Variants in BABAM2 observed in about 807,000 individuals in gnomAD.
The protein encoded by BABAM2 is BRISC and BRCA1 A complex member 2.
In BABAM2, 31 loss-of-function variants were observed where a neutral mutation model predicts 54.7. That is an observed-to-expected ratio of 0.57 (90% CI 0.43 to 0.77). The LOEUF (loss-of-function observed/expected upper bound fraction) is 0.77, where lower values mean the gene tolerates loss of function less well. Ranked by LOEUF, BABAM2 falls within the 30% of genes least tolerant of loss-of-function variation. The pLI is 0.00. For synonymous variants in BABAM2, 167 were observed against 162.9 expected (o/e 1.03, Z -0.19); for missense variants, 364 against 455.8 (o/e 0.80, Z 1.83).
At chr2:28,099,708 C>T (rs1374701904) in intron 6 of BABAM2, among the ~76,000 whole-genome samples, 1 of 152,082 alleles carries the variant, frequency 6.6e-6, no homozygotes, top group African/African-American at 2.4e-5. Context: ...GCATAACATT[C>T]TTACCTATTT....
chr2:28,009,720 G>A (rs114601453), intron 4 of BABAM2, among the ~76,000 whole-genome samples: 82 of 152,208 alleles, frequency 5.4e-4, no homozygotes, highest in African/African-American at 1.9e-3. Flanking sequence ...TTAAGGAAGT[G>A]ACAGCTGATG....
chr2:28,081,583 A>G (rs1665177165), intron 6 of BABAM2, among the ~76,000 whole-genome samples: 1 of 152,208 alleles, frequency 6.6e-6, no homozygotes, highest in African/African-American at 2.4e-5. Context: ...GCTTTAGCAC[A>G]TCTTAAGAGT....
chr2:28,060,269 A>G (rs1678753396), intron 6 of BABAM2, among the ~76,000 whole-genome samples: 1 of 152,176 alleles, frequency 6.6e-6, no homozygotes, highest in Non-Finnish European at 1.5e-5. Flanking sequence ...CTCAATAGAC[A>G]TAGAAAAAAC....
At chr2:28,219,070 A>G (rs1260662703) in intron 7 of BABAM2, among the ~76,000 whole-genome samples, 1 of 152,244 alleles carries the variant, frequency 6.6e-6, no homozygotes, top group East Asian at 1.9e-4. Flanking sequence ...CCAATTGATT[A>G]TCTTACACTT....
intron 6 of BABAM2, among the ~76,000 whole-genome samples, chr2:28,091,633 G>A (rs1307012610): frequency 2.0e-5 from 3 of 152,174 alleles, no homozygotes; most frequent in Non-Finnish European, 4.4e-5. Context: ...TAAACTTGGA[G>A]AAGTTTTCTT....
chr2:28,265,331 G>A (rs1684887944), intron 10 of BABAM2, among the ~76,000 whole-genome samples: 1 of 152,190 alleles, frequency 6.6e-6, no homozygotes, highest in Non-Finnish European at 1.5e-5. Context: ...GGCAGCTGAG[G>A]CAGGAGAATC....
At chr2:28,336,524 A>G (rs1250596096) in intron 11 of BABAM2, among the ~76,000 whole-genome samples, 1 of 152,190 alleles carries the variant, frequency 6.6e-6, no homozygotes, top group Non-Finnish European at 1.5e-5. Flanking sequence ...TGTGACCCCA[A>G]GGATGATGGC....
chr2:28,203,367 G>T (rs1383038837), intron 7 of BABAM2, among the ~76,000 whole-genome samples: 2 of 152,122 alleles, frequency 1.3e-5, no homozygotes, highest in African/African-American at 2.4e-5. Context: ...ATTTTTGGAA[G>T]ACCCTCATGG....
intron 6 of BABAM2, among the ~76,000 whole-genome samples, chr2:28,072,356 A>G (rs1664229504): frequency 6.8e-6 from 1 of 147,874 alleles, no homozygotes; most frequent in African/African-American, 2.5e-5. Flanking sequence ...TATTTTTAGT[A>G]GAGATGGGGT....
chr2:28,116,901 A>G (rs1046050284), intron 6 of BABAM2, among the ~76,000 whole-genome samples: 6 of 152,252 alleles, frequency 3.9e-5, no homozygotes, highest in Admixed American at 6.5e-5. Context: ...AATTTTGTCT[A>G]TAGCTAGAAG....
intron 11 of BABAM2, among the ~76,000 whole-genome samples, chr2:28,334,592 T>C (rs1691254135): frequency 6.6e-6 from 1 of 152,246 alleles, no homozygotes; most frequent in African/African-American, 2.4e-5. Flanking sequence ...CCAGAGTCCA[T>C]GCAGCAGAGG....
intron 6 of BABAM2, among the ~76,000 whole-genome samples, chr2:28,097,466 A>G (rs1260812794): frequency 6.6e-6 from 1 of 152,164 alleles, no homozygotes; most frequent in Non-Finnish European, 1.5e-5. Flanking sequence ...ACCTTTATCA[A>G]GTTGTACATT....
chr2:28,310,626 G>A (rs1028554175), intron 11 of BABAM2, among the ~76,000 whole-genome samples: 4 of 152,198 alleles, frequency 2.6e-5, no homozygotes, highest in African/African-American at 9.7e-5. Context: ...GCTCACACCT[G>A]TAATCCCAGC....
chr2:27,987,348 G>A (rs1026473143), intron 3 of BABAM2, among the ~76,000 whole-genome samples: 4 of 152,118 alleles, frequency 2.6e-5, no homozygotes, highest in East Asian at 1.9e-4. Context: ...ATCAGTCTTC[G>A]TAAAGGCTTA....
At chr2:27,938,829 C>T (rs1259850307) in intron 3 of BABAM2, among the ~76,000 whole-genome samples, 1 of 151,940 alleles carries the variant, frequency 6.6e-6, no homozygotes, top group Non-Finnish European at 1.5e-5. Flanking sequence ...TTTTTGTTTC[C>T]AAGCAAAGGG....
chr2:28,235,414 A>G (rs1374721571), intron 7 of BABAM2, among the ~76,000 whole-genome samples: 1 of 152,058 alleles, frequency 6.6e-6, no homozygotes, highest in Non-Finnish European at 1.5e-5. Context: ...TGACCTTGTG[A>G]TCCGCCCCCC....
In BABAM2 at chr2:27,988,088, G is replaced by T; in HGVS notation, c.300+1G>T. On this transcript the variant is annotated splice_donor_variant, in intron 4 of 11. Transcript: ENST00000379624. LOFTEE classifies it high-confidence loss of function. The stretch of plus-strand genomic sequence containing the variant: ...CCTGCCAGACCCCTCAGCTTTGCAG[G>T]TGAGTACTGCAGACTTGCTTGAATG... The T allele has an allele frequency of 1.2e-6, 2 of 1,610,854 alleles. No homozygotes were observed. The highest frequency in any genetic ancestry group is 1.7e-6 in the Non-Finnish European group (2 of 1,177,164).
At chr2:27,999,562 T>C (rs563408449) in intron 4 of BABAM2, among the ~76,000 whole-genome samples, 2 of 152,336 alleles carry the variant, frequency 1.3e-5, no homozygotes, top group South Asian at 4.1e-4. Flanking sequence ...GTCTAAGCTG[T>C]GATTTTAAAA....
At chr2:28,175,215 C>T (rs919670583) in intron 7 of BABAM2, among the ~76,000 whole-genome samples, 6 of 152,166 alleles carry the variant, frequency 3.9e-5, no homozygotes, top group African/African-American at 1.4e-4. Flanking sequence ...CCTGCACCTG[C>T]TGCTACTGAC....
Sources: gnomAD v4.1 joint callset for allele counts (sites outside exome capture counted in the v4.1 genomes callset) on GRCh38, gnomAD v4.1.1 for gene constraint, MANE v1.5 for transcripts, NCBI Gene and HGNC (gene_info 2026-07-23, HGNC 2026-07-21) for gene names.